Variants in RHOBTB3 observed in about 807,000 individuals in gnomAD.
RHOBTB3 encodes the protein rho-related BTB domain-containing protein 3.
Under a neutral mutation model 67.2 loss-of-function variants are expected in RHOBTB3, and 47 were observed. The observed-to-expected ratio is 0.70, with a 90% CI of 0.55 to 0.89. The LOEUF (loss-of-function observed/expected upper bound fraction) is 0.89. Among genes scored for constraint, RHOBTB3 ranks in the 40% least tolerant of loss-of-function variants. The probability of loss-of-function intolerance (pLI) is 0.00; values close to 1 mark genes in which losing one functional copy is unlikely to be tolerated. For missense variants in RHOBTB3, 631 were observed against 750.0 expected, an observed-to-expected ratio of 0.84 and a Z score of 1.85; for synonymous variants, 273 against 274.2, an observed-to-expected ratio of 1.00 and a Z score of 0.04.
At chr5:95,738,845 GATA>G (rs1489680347) in intron 3 of RHOBTB3, among the ~76,000 whole-genome samples, 1 of 152,066 alleles carries the variant, frequency 6.6e-6, no homozygotes, top group Non-Finnish European at 1.5e-5. Context: ...AGAGATAAGA[GATA>G]ATAATACTTA....
intron 9 of RHOBTB3, chr5:95,781,568 T>G (rs1027916462): frequency 6.6e-6 from 1 of 152,294 alleles, no homozygotes; most frequent in African/African-American, 2.4e-5. Flanking sequence ...AAGACTGACT[T>G]ACGGCCAGGT....
At chr5:95,788,711 T>A in intron 10 of RHOBTB3, 51 bp from the exon 11 acceptor site, 1 of 1,215,492 alleles carries the variant, frequency 8.2e-7, no homozygotes, top group Non-Finnish European at 1.2e-6. Flanking sequence ...GATCTTATCA[T>A]ACCAGTGGCC....
intron 8 of RHOBTB3, among the ~76,000 whole-genome samples, chr5:95,772,009 A>G (rs1234038876): frequency 2.6e-5 from 4 of 152,178 alleles, no homozygotes; most frequent in Non-Finnish European, 4.4e-5. Context: ...GCATTCTGAA[A>G]GAAGGAGAAT....
chr5:95,782,118 G>T (rs897597060), intron 9 of RHOBTB3: 8 of 152,180 alleles, frequency 5.3e-5, no homozygotes, highest in African/African-American at 1.9e-4. Flanking sequence ...TGGCAAAAGT[G>T]TGTTAGGGAA....
chr5:95,769,209 A>G (rs1379023101), intron 8 of RHOBTB3: 2 of 333,022 alleles, frequency 6.0e-6, no homozygotes, highest in South Asian at 3.1e-5. Flanking sequence ...GTCCCAGAGT[A>G]ACAAAAGATG....
chr5:95,732,950 A>G (rs1755337652), intron 2 of RHOBTB3, among the ~76,000 whole-genome samples: 1 of 152,216 alleles, frequency 6.6e-6, no homozygotes, highest in Non-Finnish European at 1.5e-5. Flanking sequence ...GTTACATTTA[A>G]TAACAGAAGA....
rs1267476899 is a variant in RHOBTB3 at position 95,793,428 on chromosome 5, G to C, written c.*254G>C. On this transcript the variant is annotated 3_prime_UTR_variant, in exon 12 of 12. Transcript: ENST00000379982. ...TGTTTTGCAGCTGTTTTCCCTTAAA[G>C]ATGTCCTGTTGCTTTAGTGATATTT... 3.3e-6 allele frequency: 1 copy of C among 301,614 alleles called. No individual in the cohort carries two copies. Among genetic ancestry groups the C allele is most frequent in the Non-Finnish European group, 6.0e-6 (1 of 165,356 alleles). 18.7% of individuals were successfully genotyped at this position (301,614 alleles called of 1,614,324 possible).
Position 95,783,823 on chromosome 5 carries a change from C to G in RHOBTB3, c.1483C>G (p.Leu495Val). The G allele has an allele frequency of 1.2e-6, 2 of 1,612,438 alleles. No homozygotes were observed. The highest frequency in any genetic ancestry group is 1.7e-6 in the Non-Finnish European group (2 of 1,178,966). The change falls in exon 10 of 12, where the codon CTG (leucine) becomes GTG (valine). Residue 495 changes from leucine (L) to valine (V), a missense_variant. Transcript: ENST00000379982. ...TGGCATATTCCAGGCCATGTGTCTC[C>G]TGATCTGTGCCGAGATGTACCAAGT... ...PAGIFQAMCL[L>V]ICAEMYQVSR...
chr5:95,755,027 A>G (rs1214375659), intron 5 of RHOBTB3, among the ~76,000 whole-genome samples: 1 of 152,220 alleles, frequency 6.6e-6, no homozygotes, highest in Non-Finnish European at 1.5e-5. Flanking sequence ...ACTAAAGTTC[A>G]GTATTTGGCG....
At chr5:95,737,169 T>C (rs952121627) in intron 3 of RHOBTB3, 94 bp downstream of exon 3, 3 of 831,610 alleles carry the variant, frequency 3.6e-6, no homozygotes, top group Non-Finnish European at 5.5e-6. Context: ...AGGGTTTGTT[T>C]TTGAAAACCA....
chr5:95,747,815 A>G (rs1380106629), intron 3 of RHOBTB3, among the ~76,000 whole-genome samples: 1 of 152,240 alleles, frequency 6.6e-6, no homozygotes, highest in Non-Finnish European at 1.5e-5. Flanking sequence ...ACTTCCTATG[A>G]AGTTTACAAA....
chr5:95,743,066 A>G (rs920758005), intron 3 of RHOBTB3, among the ~76,000 whole-genome samples: 11 of 152,166 alleles, frequency 7.2e-5, no homozygotes, highest in Non-Finnish European at 1.2e-4. Flanking sequence ...GCGAGACTCC[A>G]TCTCAAAAAA....
chr5:95,732,185 G>A (rs1401038740), intron 2 of RHOBTB3, 101 bp downstream of exon 2: 3 of 1,044,008 alleles, frequency 2.9e-6, no homozygotes, highest in African/African-American at 1.6e-5. Context: ...TGGAGTGTCC[G>A]CGTTACATGG....
At chr5:95,778,632 C>T (rs1745960313) in intron 8 of RHOBTB3, among the ~76,000 whole-genome samples, 1 of 152,176 alleles carries the variant, frequency 6.6e-6, no homozygotes, top group Admixed American at 6.5e-5. Flanking sequence ...CTGTGCTTAA[C>T]CCAAGTGATA....
At chr5:95,788,531 A>G (rs762867124) in intron 10 of RHOBTB3, among the ~76,000 whole-genome samples, 27 of 152,208 alleles carry the variant, frequency 1.8e-4, no homozygotes, top group Non-Finnish European at 3.2e-4. Flanking sequence ...GCAGCCGTAG[A>G]TTGTTATTCG....
At chr5:95,752,959 G>A (rs1464204734) in intron 5 of RHOBTB3, among the ~76,000 whole-genome samples, 2 of 151,944 alleles carry the variant, frequency 1.3e-5, no homozygotes, top group Non-Finnish European at 1.5e-5. Flanking sequence ...GTGAAACCCC[G>A]TCTCCACTAA....
At chr5:95,718,355 G>T (rs1754748309) in intron 1 of RHOBTB3, among the ~76,000 whole-genome samples, 1 of 152,172 alleles carries the variant, frequency 6.6e-6, no homozygotes, top group Non-Finnish European at 1.5e-5. Context: ...CTATCAGAGG[G>T]ATCAGCCTGA....
chr5:95,783,961 A>G lies in RHOBTB3; in HGVS notation c.1621A>G (p.Lys541Glu), dbSNP rs767849147. 3 of 1,610,018 alleles carry G rather than the reference A, an allele frequency of 1.9e-6. No individual in the cohort carries two copies. Among genetic ancestry groups the G allele is most frequent in the Non-Finnish European group, 2.5e-6 (3 of 1,177,204 alleles). ...LDIVDLLKKA[K>E]FHHSDCLSTW... Reference sequence around the variant, plus strand: ...TATAGTTGACCTGCTTAAAAAGGCCAAGGTAATTGACTCTGTGTATCTGAT... The same window carrying G: ...TATAGTTGACCTGCTTAAAAAGGCCGAGGTAATTGACTCTGTGTATCTGAT... The change falls in exon 10 of 12, where the codon AAG (lysine) becomes GAG (glutamate). Residue 541 changes from lysine to glutamate, a missense_variant and splice_region_variant. By Grantham distance (56) the Lys-to-Glu change is moderately conservative. Coordinates refer to ENST00000379982, the MANE Select transcript of RHOBTB3 (RefSeq NM_014899.4).
At chr5:95,731,110 G>C, upstream of RHOBTB3, 1 of 1,087,208 alleles carries the variant, frequency 9.2e-7, no homozygotes, top group African/African-American at 1.7e-5. Context: ...CTCGGGCTGG[G>C]GCGTTGTATT....
Sources: gnomAD v4.1 joint callset for allele counts (sites outside exome capture counted in the v4.1 genomes callset) on GRCh38, gnomAD v4.1.1 for gene constraint, MANE v1.5 for transcripts, NCBI Gene and HGNC (gene_info 2026-07-23, HGNC 2026-07-21) for gene names.